NAALADL2: variants seen among roughly 807,000 people sequenced by gnomAD.
NAALADL2 encodes the protein inactive N-acetylated-alpha-linked acidic dipeptidase-like protein 2.
A neutral mutation model predicts 87.2 loss-of-function variants in NAALADL2; 76 were observed. That is an observed-to-expected ratio of 0.87 (90% CI 0.72 to 1.05). The LOEUF is 1.05. Ranked by LOEUF, NAALADL2 falls within the 50% of genes least tolerant of loss-of-function variation. The pLI, the probability that NAALADL2 is intolerant of heterozygous loss-of-function variation, is 0.00. For synonymous variants in NAALADL2, 354 were observed against 331.0 expected, an observed-to-expected ratio of 1.07 and a Z score of -0.75; for missense variants, 1,089 against 945.8, an observed-to-expected ratio of 1.15 and a Z score of -1.99.
Position 175,421,281 on chromosome 3 carries a change from A to G in NAALADL2, c.1091-25948A>G, listed in dbSNP as rs148550532. On this transcript the variant is annotated intron_variant, in intron 5 of 13. Transcript: ENST00000454872. ...GCTCTACCTTTCAAATGGTTCTCGT[A>G]GCATTGTTCACACAGCAGCAGTACC... is the stretch of plus-strand genomic sequence containing the variant. 8.6e-3 allele frequency among the ~76,000 whole-genome samples: 1,308 copies of G among 152,202 alleles called. 7 individuals carry two copies. The highest frequency in any genetic ancestry group is 0.015 in the Non-Finnish European group (1,030 of 67,964).
intron 13 of NAALADL2, 78 bp from the exon 14 acceptor site, chr3:175,802,925 CTT>C: frequency 2.2e-6 from 2 of 889,700 alleles, no homozygotes; most frequent in Non-Finnish European, 1.8e-6. Context: ...ATCACTGACT[CTT>C]AGAAATATTC....
At chr3:175,160,363 T>TTTTTTTTC in intron 2 of NAALADL2, among the ~76,000 whole-genome samples, 1 of 116,150 alleles carries the variant, frequency 8.6e-6, no homozygotes, top group Admixed American at 8.3e-5. Context: ...TTTCTTTCTT[T>TTTTTTTTC]TTTTTTTTTT....
chr3:175,435,066 A>T (rs1718397803), intron 5 of NAALADL2, among the ~76,000 whole-genome samples: 2 of 151,946 alleles, frequency 1.3e-5, no homozygotes, highest in Non-Finnish European at 2.9e-5. Flanking sequence ...CATATATACA[A>T]TTTTTTCTCT....
At chr3:175,097,897 A>G (rs1245708564) in intron 2 of NAALADL2, among the ~76,000 whole-genome samples, 1 of 152,162 alleles carries the variant, frequency 6.6e-6, no homozygotes, top group Non-Finnish European at 1.5e-5. Flanking sequence ...TCCTAGGTGA[A>G]TCATGTACGT....
At chr3:174,556,517 G>C (rs746817166) in intron 2 of NAALADL2, among the ~76,000 whole-genome samples, 2 of 151,368 alleles carry the variant, frequency 1.3e-5, no homozygotes, top group Non-Finnish European at 2.9e-5. Flanking sequence ...AGAAAAGAAT[G>C]CATTCTCTTG....
At chr3:174,678,858 C>T (rs115620911) in intron 2 of NAALADL2, among the ~76,000 whole-genome samples, 1,570 of 152,260 alleles carry the variant, frequency 0.01, 31 homozygotes, top group African/African-American at 0.036. Context: ...AAATCACAGA[C>T]GTTGGTCAAT....
chr3:175,674,120 A>G (rs190777623), intron 11 of NAALADL2, among the ~76,000 whole-genome samples: 94 of 152,240 alleles, frequency 6.2e-4, no homozygotes, highest in Middle Eastern at 3.4e-3. Flanking sequence ...TGTTAAAAAT[A>G]GCATACTCAC....
intron 11 of NAALADL2, among the ~76,000 whole-genome samples, chr3:175,693,792 G>A (rs775769589): frequency 4.6e-5 from 7 of 152,046 alleles, no homozygotes; most frequent in South Asian, 2.1e-4. Flanking sequence ...TCCCCGACCC[G>A]GGTTCAAGCG....
chr3:175,226,223 C>G (rs1482338074), intron 2 of NAALADL2, among the ~76,000 whole-genome samples: 4 of 152,190 alleles, frequency 2.6e-5, no homozygotes, highest in Non-Finnish European at 5.9e-5. Context: ...CATTTCTGAA[C>G]TGATTTTTAA....
At chr3:175,401,657 T>G (rs1770577941) in intron 5 of NAALADL2, among the ~76,000 whole-genome samples, 1 of 152,108 alleles carries the variant, frequency 6.6e-6, no homozygotes, top group African/African-American at 2.4e-5. Flanking sequence ...TGTAACACAG[T>G]GGGAAGTATT....
At chr3:174,958,021 C>T (rs61643943) in intron 1 of NAALADL2, among the ~76,000 whole-genome samples, 2,951 of 151,970 alleles carry the variant, frequency 0.019, 84 homozygotes, top group African/African-American at 0.068. Context: ...AAAACACATA[C>T]TCATCCTATG....
intron 1 of NAALADL2, among the ~76,000 whole-genome samples, chr3:174,865,746 A>T (rs1727066219): frequency 6.6e-6 from 1 of 151,872 alleles, no homozygotes; most frequent in Non-Finnish European, 1.5e-5. Context: ...TAGAAGAGAG[A>T]TGATTTGAAA....
intron 4 of NAALADL2, among the ~76,000 whole-genome samples, chr3:175,257,755 T>A (rs1750256120): frequency 6.6e-6 from 1 of 152,132 alleles, no homozygotes. Context: ...TTTAATGACA[T>A]GTAAAAATCC....
At chr3:174,863,579 A>T (rs925412553) in intron 1 of NAALADL2, among the ~76,000 whole-genome samples, 1 of 148,426 alleles carries the variant, frequency 6.7e-6, no homozygotes. Flanking sequence ...TAAGTAAAAG[A>T]AAAAAAAAAC....
At chr3:174,504,590 G>A (rs952110244) in intron 1 of NAALADL2, among the ~76,000 whole-genome samples, 1 of 151,990 alleles carries the variant, frequency 6.6e-6, no homozygotes, top group African/African-American at 2.4e-5. Flanking sequence ...GATTTTTAAA[G>A]GAATTTTCTA....
At chr3:174,846,642 A>T (rs1468473901) in intron 3 of NAALADL2, among the ~76,000 whole-genome samples, 3 of 152,194 alleles carry the variant, frequency 2.0e-5, no homozygotes, top group African/African-American at 4.8e-5. Flanking sequence ...AAATATGATT[A>T]TGTATGTATG....
At chr3:175,778,874 GAATTAAAT>G (rs1750629152) in intron 13 of NAALADL2, among the ~76,000 whole-genome samples, 1 of 152,046 alleles carries the variant, frequency 6.6e-6, no homozygotes. Flanking sequence ...CTGAGCCTAG[GAATTAAAT>G]TTACCTAAGG....
At chr3:175,784,477 T>C (rs1471134605) in intron 13 of NAALADL2, among the ~76,000 whole-genome samples, 1 of 137,994 alleles carries the variant, frequency 7.2e-6, no homozygotes, top group Non-Finnish European at 1.5e-5. Context: ...CTAGATTTTC[T>C]AGTTTATTTG....
At chr3:174,445,334 C>T (rs1714974411) in intron 1 of NAALADL2, among the ~76,000 whole-genome samples, 1 of 152,034 alleles carries the variant, frequency 6.6e-6, no homozygotes, top group Non-Finnish European at 1.5e-5. Flanking sequence ...AGGAGTACGT[C>T]TCATTAGTCT....
Sources: allele counts gnomAD v4.1 joint callset (sites outside exome capture counted in the v4.1 genomes callset), GRCh38; gene constraint gnomAD v4.1.1; transcripts MANE v1.5; gene names NCBI Gene and HGNC (gene_info 2026-07-23, HGNC 2026-07-21).